MKRN2OS: variants seen among roughly 807,000 people sequenced by gnomAD.
MKRN2OS encodes the protein MKRN2 opposite strand protein.
Under a neutral mutation model 18.2 loss-of-function variants are expected in MKRN2OS, and 17 were observed. The ratio of observed to expected loss-of-function variants is 0.93; its 90% CI spans 0.64 to 1.40. MKRN2OS has a LOEUF of 1.40. Among genes scored for constraint, MKRN2OS ranks in the 40% most tolerant of loss-of-function variants. The pLI, the probability that MKRN2OS is intolerant of heterozygous loss-of-function variation, is 0.00. For missense variants in MKRN2OS, 337 were observed against 283.0 expected (o/e 1.19, Z -1.37); for synonymous variants, 121 against 108.5 (o/e 1.12, Z -0.72).
chr3:12,557,642 C>A (rs1449550452), intron 1 of MKRN2OS, among the ~76,000 whole-genome samples: 1 of 152,224 alleles, frequency 6.6e-6, no homozygotes, highest in Admixed American at 6.5e-5. Context: ...TCTAAACTTG[C>A]AGAGAGTTAA....
intron 1 of MKRN2OS, among the ~76,000 whole-genome samples, chr3:12,560,396 T>G (rs2125299246): frequency 6.6e-6 from 1 of 151,780 alleles, no homozygotes; most frequent in East Asian, 1.9e-4. Flanking sequence ...GCCTACCATT[T>G]GCTTCCTTCC....
intron 1 of MKRN2OS, 71 bp downstream of exon 1, chr3:12,545,170 AGAAAAG>A: frequency 8.2e-7 from 1 of 1,219,898 alleles, no homozygotes; most frequent in Non-Finnish European, 1.1e-6. Flanking sequence ...TTATGTATTA[AGAAAAG>A]GAAACTTTAG....
At chr3:12,545,677 A>G (rs964609248), upstream of MKRN2OS, 3 of 397,304 alleles carry the variant, frequency 7.6e-6, no homozygotes, top group African/African-American at 4.1e-5. Context: ...GTTTATTTCC[A>G]TTGTTTATGG....
Position 12,542,018 on chromosome 3 carries a change from A to G in MKRN2OS, c.273T>C (p.Val91=), listed in dbSNP as rs1259052005. 6.5e-7 allele frequency: 1 copy of G among 1,533,488 alleles called. No individual in the cohort carries two copies. Among genetic ancestry groups the G allele is most frequent in the Admixed American group, 2.0e-5 (1 of 50,762 alleles). The allele number at this position is 1,533,488 out of a possible 1,614,324, so 95.0% of individuals were successfully genotyped here. The stretch of plus-strand genomic sequence containing the variant: ...CACCATGTGCACTGTAATTATACAC[A>G]ACCCCTGCAAATCAAAACCAAAGTC... The part of the protein sequence containing the change: ...LHVGITNTNG[V]VYNYSAHGVQ... The change falls in exon 3 of 4, where the codon GTT becomes GTC. Residue 91 remains valine (V), a synonymous_variant. Transcript: ENST00000564146.
intron 1 of MKRN2OS, among the ~76,000 whole-genome samples, chr3:12,544,362 T>C (rs1046417397): frequency 2.6e-5 from 4 of 152,062 alleles, no homozygotes; most frequent in Non-Finnish European, 5.9e-5. Context: ...ATCCTATTGG[T>C]AAACTCCACG....
intron 1 of MKRN2OS, among the ~76,000 whole-genome samples, chr3:12,557,756 C>T (rs765706568): frequency 6.6e-6 from 1 of 152,222 alleles, no homozygotes; most frequent in Non-Finnish European, 1.5e-5. Flanking sequence ...TATCATCAGA[C>T]TTCACAGTAA....
chr3:12,546,351 A>G (rs1425808055), upstream of MKRN2OS, among the ~76,000 whole-genome samples: 1 of 152,136 alleles, frequency 6.6e-6, no homozygotes, highest in Non-Finnish European at 1.5e-5. Flanking sequence ...TAGCGGTTAC[A>G]GGAGGGAGAT....
At chr3:12,546,409 T>A (rs1559382019), upstream of MKRN2OS, among the ~76,000 whole-genome samples, 1 of 152,074 alleles carries the variant, frequency 6.6e-6, no homozygotes, top group African/African-American at 2.4e-5. Context: ...AGGGCTGTTG[T>A]GACTCATCTG....
intron 2 of MKRN2OS, among the ~76,000 whole-genome samples, chr3:12,542,711 T>TAAAA (rs544900301): frequency 7.3e-5 from 8 of 109,068 alleles, no homozygotes; most frequent in African/African-American, 2.0e-4. Flanking sequence ...TCACTTTCCT[T>TAAAA]AAAAAAAAAA....
chr3:12,540,076 TGCCCG>T lies in MKRN2OS; in HGVS notation c.*112_*116del. On this transcript the variant is annotated 3_prime_UTR_variant, in exon 4 of 4. Coordinates refer to ENST00000564146, the MANE Select transcript of MKRN2OS (RefSeq NM_001195279.2). ...CTGGGATTACAGGTGTGAGCCACCA[TGCCCG>T]GCCCATACACGCTTTTATTAACCAC... 1 of 1,414,934 alleles carries T rather than the reference TGCCCG, an allele frequency of 7.1e-7. No individual in the cohort carries two copies. The allele number at this position is 1,414,934 out of a possible 1,614,324, so 87.6% of individuals were successfully genotyped here. A position where few individuals can be genotyped will look rare whatever the true frequency, so the allele number is the denominator to read the frequency against.
At chr3:12,552,409 T>G (rs1044849079), downstream of MKRN2OS, among the ~76,000 whole-genome samples, 1 of 129,660 alleles carries the variant, frequency 7.7e-6, no homozygotes, top group Non-Finnish European at 1.6e-5. Flanking sequence ...TTTTTTTAAT[T>G]TTTAATTTTT....
At chr3:12,556,955 C>A (rs1238470677) in intron 1 of MKRN2OS, 10 of 480,522 alleles carry the variant, frequency 2.1e-5, no homozygotes, top group Non-Finnish European at 2.6e-5. Context: ...CCGGCCCGAT[C>A]CCCGGTGCGG....
exon 2 of MKRN2OS, chr3:12,554,048 C>T (rs148362284): frequency 0.024 from 3,670 of 152,388 alleles, 51 homozygotes; most frequent in Non-Finnish European, 0.039. Flanking sequence ...CTGGCAGCCA[C>T]CCTTCTCTTC....
Position 12,541,952 on chromosome 3 carries a change from G to C in MKRN2OS, c.339C>G (p.Ile113Met). 6.5e-7 allele frequency: 1 copy of C among 1,536,048 alleles called. No homozygotes were observed. Among genetic ancestry groups the C allele is most frequent in the Non-Finnish European group, 8.7e-7 (1 of 1,146,878 alleles). ...CATACATGTTGGGCTGCAGTAATGG[G>C]ATGCTTATGCTCTCTTCCCACCCTT... is the stretch of plus-strand genomic sequence containing the variant. ...DGEGWEESIS[I>M]PLLQPNMYGM... The change falls in exon 3 of 4, where the codon ATC becomes ATG. Residue 113 changes from isoleucine (I) to methionine (M), a missense_variant. Ile to Met is a conservative substitution (Grantham distance 10). Coordinates refer to ENST00000564146, the MANE Select transcript of MKRN2OS (RefSeq NM_001195279.2).
intron 1 of MKRN2OS, among the ~76,000 whole-genome samples, chr3:12,544,824 G>GT (rs1435824724): frequency 6.6e-6 from 1 of 152,224 alleles, no homozygotes; most frequent in Non-Finnish European, 1.5e-5. Flanking sequence ...CTAGTCTTCA[G>GT]TTTAATTTGC....
intron 1 of MKRN2OS, chr3:12,557,032 T>TG: frequency 9.0e-7 from 1 of 1,115,972 alleles, no homozygotes; most frequent in Non-Finnish European, 1.1e-6. Flanking sequence ...AGGGGCGGCG[T>TG]GCGCCGGCGT....
chr3:12,557,225 G>T lies in MKRN2OS; in HGVS notation n.265-3091C>A, dbSNP rs775810165. The T allele has an allele frequency of 6.1e-5, 93 of 1,521,796 alleles. 2 individuals are homozygous for T. The East Asian group carries it at 1.2e-3, about 20-fold the overall frequency. The allele number at this position is 1,521,796 out of a possible 1,614,324, so 94.3% of individuals were successfully genotyped here. On this transcript the variant is annotated intron_variant and non_coding_transcript_variant, in intron 1 of 1. Transcript: ENST00000447550. The stretch of plus-strand genomic sequence containing the variant: ...TTCGGGCCGCTCCCCCAGGCCGCAG[G>T]GGGGCCGGTGCGCGCCAGTGCTGTG...
chr3:12,556,281 G>C (rs1029182708), intron 1 of MKRN2OS, among the ~76,000 whole-genome samples: 1 of 151,840 alleles, frequency 6.6e-6, no homozygotes, highest in African/African-American at 2.4e-5. Flanking sequence ...AACCCGGGAG[G>C]CGGAGGTTGC....
chr3:12,549,827 A>G (rs923373310), upstream of MKRN2OS, among the ~76,000 whole-genome samples: 2 of 152,200 alleles, frequency 1.3e-5, no homozygotes, highest in Non-Finnish European at 2.9e-5. Context: ...TGCTGGGATT[A>G]TAGGTAGCGC....
Sources: gnomAD v4.1 joint callset for allele counts (sites outside exome capture counted in the v4.1 genomes callset) on GRCh38, gnomAD v4.1.1 for gene constraint, MANE v1.5 for transcripts, NCBI Gene and HGNC (gene_info 2026-07-23, HGNC 2026-07-21) for gene names.